Variants in NALF1 observed in about 807,000 individuals in gnomAD.
NALF1 encodes family with sequence similarity 155 member A.
NALF1 carries 3 observed loss-of-function variants against 48.4 expected under a neutral mutation model. That is an observed-to-expected ratio of 0.06 (90% CI 0.03 to 0.16). NALF1 has a LOEUF of 0.16. Among genes scored for constraint, NALF1 ranks in the 10% least tolerant of loss-of-function variants. The probability of loss-of-function intolerance (pLI) is 1.00; values close to 1 mark genes in which losing one functional copy is unlikely to be tolerated. For synonymous variants in NALF1, 262 were observed against 245.7 expected (o/e 1.07, Z -0.62); for missense variants, 526 against 571.5 (o/e 0.92, Z 0.81).
chr13:107,609,118 C>T (rs955029813), intron 1 of NALF1, among the ~76,000 whole-genome samples: 59 of 151,450 alleles, frequency 3.9e-4, no homozygotes, highest in Non-Finnish European at 1.3e-4. Context: ...CCAAAACTTC[C>T]ACCTCCCTCC....
intron 1 of NALF1, among the ~76,000 whole-genome samples, chr13:107,316,971 CAAACACTTTAAA>C (rs1406780316): frequency 6.6e-6 from 1 of 152,030 alleles, no homozygotes; most frequent in East Asian, 1.9e-4. Context: ...TACTGAAAAT[CAAACACTTTAAA>C]AGATTTTTAG....
chr13:107,508,515 C>A (rs1430437182), intron 1 of NALF1, among the ~76,000 whole-genome samples: 2 of 151,976 alleles, frequency 1.3e-5, no homozygotes, highest in Non-Finnish European at 2.9e-5. Context: ...AGTCACTAAC[C>A]AGGTGTGAAT....
At chr13:107,442,952 G>T (rs1566344428) in intron 1 of NALF1, among the ~76,000 whole-genome samples, 2 of 152,034 alleles carry the variant, frequency 1.3e-5, no homozygotes, top group Non-Finnish European at 1.5e-5. Flanking sequence ...TAGAACAACA[G>T]TTTATTGGAG....
At chr13:107,515,024 T>C (rs1193697535) in intron 1 of NALF1, among the ~76,000 whole-genome samples, 1 of 152,228 alleles carries the variant, frequency 6.6e-6, no homozygotes, top group Non-Finnish European at 1.5e-5. Flanking sequence ...TGTGACCTGC[T>C]AGCTGTATGG....
At chr13:107,475,518 T>C (rs1421198089) in intron 1 of NALF1, among the ~76,000 whole-genome samples, 1 of 152,188 alleles carries the variant, frequency 6.6e-6, no homozygotes, top group Non-Finnish European at 1.5e-5. Context: ...TACTGGATTA[T>C]TTGAGGGAGA....
intron 1 of NALF1, among the ~76,000 whole-genome samples, chr13:107,349,466 G>A (rs1017247598): frequency 6.6e-6 from 1 of 152,052 alleles, no homozygotes; most frequent in African/African-American, 2.4e-5. Flanking sequence ...CTGAGGGCCG[G>A]GTGCAGTGGC....
At chr13:107,187,626 A>G (rs945690757) in intron 2 of NALF1, among the ~76,000 whole-genome samples, 1 of 152,204 alleles carries the variant, frequency 6.6e-6, no homozygotes, top group Admixed American at 6.5e-5. Flanking sequence ...AACACCACGC[A>G]TACGTGGGAA....
chr13:107,467,885 AAT>A (rs1450177371), intron 1 of NALF1, among the ~76,000 whole-genome samples: 2 of 152,014 alleles, frequency 1.3e-5, no homozygotes, highest in African/African-American at 4.8e-5. Context: ...CAAAAAAATA[AAT>A]AAATAAAAAA....
At chr13:107,403,592 A>ATACT (rs1883849715) in intron 1 of NALF1, among the ~76,000 whole-genome samples, 1 of 152,000 alleles carries the variant, frequency 6.6e-6, no homozygotes, top group South Asian at 2.1e-4. Flanking sequence ...GTTCAATATG[A>ATACT]TACTTATGCA....
At chr13:107,750,845 G>A (rs1037184994) in intron 1 of NALF1, among the ~76,000 whole-genome samples, 3 of 152,162 alleles carry the variant, frequency 2.0e-5, no homozygotes, top group African/African-American at 7.2e-5. Context: ...GCTCTGTAAA[G>A]TACACTAACC....
intron 1 of NALF1, among the ~76,000 whole-genome samples, chr13:107,516,539 C>A (rs1245341989): frequency 3.9e-5 from 6 of 152,190 alleles, no homozygotes; most frequent in Middle Eastern, 3.4e-3. Context: ...ACGACATTGC[C>A]AGCCTTCACA....
chr13:107,429,681 T>G (rs1884342030), intron 1 of NALF1, among the ~76,000 whole-genome samples: 1 of 152,188 alleles, frequency 6.6e-6, no homozygotes, highest in South Asian at 2.1e-4. Flanking sequence ...CATACAGTGC[T>G]TTGAAACTAG....
chr13:107,759,547 G>A (rs954050414), intron 1 of NALF1, among the ~76,000 whole-genome samples: 5 of 152,012 alleles, frequency 3.3e-5, no homozygotes, highest in Non-Finnish European at 7.4e-5. Flanking sequence ...TGGTTCTCTC[G>A]GGTCCAGACC....
intron 1 of NALF1, among the ~76,000 whole-genome samples, chr13:107,778,983 T>C (rs1877814926): frequency 6.6e-6 from 1 of 152,238 alleles, no homozygotes; most frequent in African/African-American, 2.4e-5. Flanking sequence ...TAACTCTTCT[T>C]AACCTTACCT....
chr13:107,740,522 T>G (rs1313053887), intron 1 of NALF1, among the ~76,000 whole-genome samples: 1 of 152,204 alleles, frequency 6.6e-6, no homozygotes, highest in South Asian at 2.1e-4. Context: ...TTACATAGCA[T>G]CTATTATTAG....
chr13:107,794,545 AC>A (rs753199559), intron 1 of NALF1, among the ~76,000 whole-genome samples: 3 of 151,620 alleles, frequency 2.0e-5, no homozygotes, highest in Admixed American at 6.6e-5. Context: ...AAACAAAAAA[AC>A]ATTTTCACCC....
chr13:107,353,371 T>C (rs1460862998), intron 1 of NALF1, among the ~76,000 whole-genome samples: 1 of 152,172 alleles, frequency 6.6e-6, no homozygotes, highest in Non-Finnish European at 1.5e-5. Flanking sequence ...TTTCTAAATA[T>C]AAATTTTGGG....
chr13:107,500,100 C>T (rs1875467980), intron 1 of NALF1, among the ~76,000 whole-genome samples: 1 of 152,064 alleles, frequency 6.6e-6, no homozygotes, highest in Non-Finnish European at 1.5e-5. Context: ...TAAAAGCACC[C>T]TGGAAGGCTT....
intron 1 of NALF1, among the ~76,000 whole-genome samples, chr13:107,398,064 T>G (rs947971152): frequency 2.6e-5 from 4 of 152,138 alleles, no homozygotes; most frequent in Non-Finnish European, 5.9e-5. Context: ...TCATACTTCA[T>G]CCTCATTGTC....
Sources: allele counts gnomAD v4.1 joint callset (sites outside exome capture counted in the v4.1 genomes callset), GRCh38; gene constraint gnomAD v4.1.1; transcripts MANE v1.5; gene names NCBI Gene and HGNC (gene_info 2026-07-23, HGNC 2026-07-21).